GABRG3: variants seen among roughly 807,000 people sequenced by gnomAD.
GABRG3 encodes gamma-aminobutyric acid receptor subunit gamma-3.
GABRG3 carries 25 observed loss-of-function variants against 48.8 expected under a neutral mutation model. The observed-to-expected ratio is 0.51, with a 90% CI of 0.37 to 0.72. The LOEUF (loss-of-function observed/expected upper bound fraction) is 0.72. GABRG3 is among the 30% of genes least tolerant of loss of function. The pLI is 0.00. For synonymous variants in GABRG3, 227 were observed against 217.6 expected (o/e 1.04, Z -0.38); for missense variants, 394 against 577.9 (o/e 0.68, Z 3.26).
chr15:27,064,712 A>G (rs1051620186), intron 3 of GABRG3, among the ~76,000 whole-genome samples: 1 of 152,174 alleles, frequency 6.6e-6, no homozygotes, highest in Admixed American at 6.5e-5. Context: ...CGCAACCCAC[A>G]GGAGGGCCTC....
intron 5 of GABRG3, among the ~76,000 whole-genome samples, chr15:27,343,555 G>A (rs1228387267): frequency 6.6e-6 from 1 of 152,184 alleles, no homozygotes; most frequent in African/African-American, 2.4e-5. Flanking sequence ...ATCACAGTAG[G>A]TGCTTAATAG....
intron 3 of GABRG3, among the ~76,000 whole-genome samples, chr15:27,122,153 C>CT (rs1897742225): frequency 1.3e-5 from 2 of 152,122 alleles, no homozygotes; most frequent in African/African-American, 4.8e-5. Flanking sequence ...GGGATGGATA[C>CT]CCCGTTCTCC....
chr15:27,052,965 G>A (rs1116930), intron 3 of GABRG3, among the ~76,000 whole-genome samples: 21,438 of 152,136 alleles, frequency 0.14, 1,945 homozygotes, highest in South Asian at 0.26. Context: ...AGCCACATGC[G>A]GAAGAATGAA....
intron 3 of GABRG3, among the ~76,000 whole-genome samples, chr15:27,101,990 A>G (rs1165819736): frequency 6.6e-6 from 1 of 152,168 alleles, no homozygotes; most frequent in African/African-American, 2.4e-5. Context: ...CCGAGACTTT[A>G]ACCTCACATC....
chr15:27,174,944 C>T (rs1399279889), intron 3 of GABRG3, among the ~76,000 whole-genome samples: 2 of 152,092 alleles, frequency 1.3e-5, no homozygotes, highest in African/African-American at 4.8e-5. Flanking sequence ...GACACGTGGG[C>T]ATTGCTGTTA....
rs1889989199 is a variant in GABRG3 at position 27,236,870 on chromosome 15, T to C, written c.271-89939T>C. 6.6e-6 allele frequency among the ~76,000 whole-genome samples: 1 copy of C among 152,220 alleles called. No individual in the cohort carries two copies. The highest frequency in any genetic ancestry group is 1.5e-5 in the Non-Finnish European group (1 of 68,042). Reference sequence around the variant, plus strand: ...ATTCGTGATTCCTCCAATAGCTTATTGAATATACGTATCCATCCCCCCACT... The same window carrying C: ...ATTCGTGATTCCTCCAATAGCTTATCGAATATACGTATCCATCCCCCCACT... On this transcript the variant is annotated intron_variant, in intron 3 of 9. Transcript: ENST00000615808. This position sits in a 1 kb window ranked among gnomAD's most constrained non-coding sequence, Gnocchi z 4.4.
At chr15:27,000,288 T>A (rs865796837) in intron 2 of GABRG3, among the ~76,000 whole-genome samples, 1 of 152,226 alleles carries the variant, frequency 6.6e-6, no homozygotes, top group Non-Finnish European at 1.5e-5. Context: ...TTTTGGTGTA[T>A]AGTTGAGTTA....
rs762621152 is a variant in GABRG3, at chr15:27,180,464, A to C, written c.271-146345A>C. Reference sequence around the variant, plus strand: ...ACACTCGGGACTCTCTGCCTACCCTATGCTTGCACTAGATTCATCACGAAG... The same window carrying C: ...ACACTCGGGACTCTCTGCCTACCCTCTGCTTGCACTAGATTCATCACGAAG... On this transcript the variant is annotated intron_variant, in intron 3 of 9. Transcript: ENST00000615808. The surrounding 1 kb of genome is among the most constrained non-coding windows in gnomAD (Gnocchi z 4.2). Among the ~76,000 whole-genome samples, 2 of 151,932 alleles carry C rather than the reference A, an allele frequency of 1.3e-5. No homozygotes were observed. The highest frequency in any genetic ancestry group is 2.9e-5 in the Non-Finnish European group (2 of 67,984).
At chr15:27,285,253 A>AGG (rs1243362581) in intron 3 of GABRG3, among the ~76,000 whole-genome samples, 3 of 109,330 alleles carry the variant, frequency 2.7e-5, no homozygotes, top group Non-Finnish European at 5.6e-5. Context: ...CTGAGCTTTC[A>AGG]GGTGTGTGTG....
At chr15:27,353,302 C>T (rs1049929138) in intron 5 of GABRG3, among the ~76,000 whole-genome samples, 6 of 152,150 alleles carry the variant, frequency 3.9e-5, no homozygotes, top group African/African-American at 1.4e-4. Flanking sequence ...TGCATAGGCT[C>T]AGCCACAGGG....
intron 3 of GABRG3, among the ~76,000 whole-genome samples, chr15:27,048,110 G>A (rs1896394584): frequency 6.6e-6 from 1 of 152,102 alleles, no homozygotes; most frequent in Admixed American, 6.5e-5. Flanking sequence ...CCTGGGGAGA[G>A]GCCCCAGCAA....
rs574281228 is a variant in GABRG3 at position 27,457,639 on chromosome 15, C to T, written c.575-23011C>T. On this transcript the variant is annotated intron_variant, in intron 5 of 9. Coordinates refer to ENST00000615808, the MANE Select transcript of GABRG3 (RefSeq NM_033223.5). This position sits in a 1 kb window ranked among gnomAD's most constrained non-coding sequence, Gnocchi z 4.4. ...TGTACCAGCCCTGCCCTCTCTAGGA[C>T]GGGCTGCCTCCTTGGAGTCTGCAGC... 3.5e-4 allele frequency among the ~76,000 whole-genome samples: 54 copies of T among 152,162 alleles called. No individual in the cohort carries two copies. Among genetic ancestry groups the T allele is most frequent in the Non-Finnish European group, 4.8e-4 (33 of 68,044 alleles).
At chr15:27,490,006 T>C (rs1890311209) in intron 6 of GABRG3, among the ~76,000 whole-genome samples, 1 of 152,202 alleles carries the variant, frequency 6.6e-6, no homozygotes, top group African/African-American at 2.4e-5. Flanking sequence ...TGGTTTTAGG[T>C]CTTATGCTTA....
At chr15:27,112,251 G>A (rs1041267392) in intron 3 of GABRG3, among the ~76,000 whole-genome samples, 2 of 151,948 alleles carry the variant, frequency 1.3e-5, no homozygotes, top group Non-Finnish European at 2.9e-5. Context: ...AGTGTTTTCC[G>A]GTGACTTCAG....
chr15:27,317,057 G>C (rs77844475), intron 3 of GABRG3, among the ~76,000 whole-genome samples: 2,884 of 152,240 alleles, frequency 0.019, 79 homozygotes, highest in East Asian at 0.067. Context: ...GTCTTTCTAG[G>C]TCAGAGGTGT....
chr15:27,299,069 A>AG (rs1191507867), intron 3 of GABRG3, among the ~76,000 whole-genome samples: 17 of 152,162 alleles, frequency 1.1e-4, no homozygotes, highest in Admixed American at 1.1e-3. Flanking sequence ...GGATCACCTG[A>AG]GGTCAGGGGT....
At chr15:27,497,370 G>A (rs1890511695) in intron 6 of GABRG3, among the ~76,000 whole-genome samples, 1 of 152,086 alleles carries the variant, frequency 6.6e-6, no homozygotes, top group Non-Finnish European at 1.5e-5. Flanking sequence ...TTCCTTTTGA[G>A]AATGTCTGCC....
At chr15:27,210,362 T>A (rs900400036) in intron 3 of GABRG3, among the ~76,000 whole-genome samples, 1 of 152,250 alleles carries the variant, frequency 6.6e-6, no homozygotes, top group Non-Finnish European at 1.5e-5. Flanking sequence ...TTCCTGCATG[T>A]GGGAGATTTT....
intron 9 of GABRG3, among the ~76,000 whole-genome samples, chr15:27,529,889 T>TAAAAAA (rs539243697): frequency 2.6e-5 from 3 of 116,628 alleles, no homozygotes; most frequent in Admixed American, 8.5e-5. Flanking sequence ...AGCAGAAAAT[T>TAAAAAA]AAAAAAAAAA....
Sources: gnomAD v4.1 joint callset for allele counts (sites outside exome capture counted in the v4.1 genomes callset) on GRCh38, gnomAD v4.1.1 for gene constraint, Gnocchi (gnomAD v3.1) non-coding constraint, MANE v1.5 for transcripts, NCBI Gene and HGNC (gene_info 2026-07-23, HGNC 2026-07-21) for gene names.